The following FTO variants were observed in gnomAD, a reference collection of about 807,000 sequenced individuals.
FTO encodes the protein alpha-ketoglutarate-dependent dioxygenase FTO.
A neutral mutation model predicts 63.9 loss-of-function variants in FTO; 47 were observed. The ratio of observed to expected loss-of-function variants is 0.74; its 90% CI spans 0.58 to 0.94. The LOEUF is 0.94. Ranked by LOEUF, FTO falls within the 40% of genes least tolerant of loss-of-function variation. The probability of loss-of-function intolerance (pLI) is 0.00; values close to 1 mark genes in which losing one functional copy is unlikely to be tolerated. For synonymous variants in FTO, 207 were observed against 224.4 expected (o/e 0.92, Z 0.69); for missense variants, 562 against 618.1 (o/e 0.91, Z 0.96).
intron 8 of FTO, among the ~76,000 whole-genome samples, chr16:54,090,968 C>T (rs1433391890): frequency 6.6e-6 from 1 of 152,194 alleles, no homozygotes; most frequent in East Asian, 1.9e-4. Context: ...ATGCTCCTTA[C>T]ATGGCGGCTC....
intron 8 of FTO, among the ~76,000 whole-genome samples, chr16:54,060,730 G>C (rs2085549603): frequency 6.6e-6 from 1 of 152,168 alleles, no homozygotes; most frequent in Non-Finnish European, 1.5e-5. Flanking sequence ...TGGGACGCTA[G>C]TTTCAGTGTA....
chr16:53,737,785 C>A (rs541902414), intron 1 of FTO, among the ~76,000 whole-genome samples: 1 of 152,116 alleles, frequency 6.6e-6, no homozygotes, highest in Non-Finnish European at 1.5e-5. Context: ...ACTCCTCCCC[C>A]CAGCCTACCC....
At chr16:53,923,714 G>A (rs771343243) in intron 7 of FTO, among the ~76,000 whole-genome samples, 12 of 151,286 alleles carry the variant, frequency 7.9e-5, no homozygotes, top group Non-Finnish European at 1.3e-4. Context: ...AAGTACATGG[G>A]GCTGTTTTTC....
intron 1 of FTO, among the ~76,000 whole-genome samples, chr16:53,769,116 G>T (rs1394574864): frequency 6.6e-6 from 1 of 152,172 alleles, no homozygotes; most frequent in Non-Finnish European, 1.5e-5. Flanking sequence ...GAACTGTCTT[G>T]AGTTAGCTGA....
chr16:53,910,777 C>A (rs1161944249), intron 7 of FTO, among the ~76,000 whole-genome samples: 1 of 152,192 alleles, frequency 6.6e-6, no homozygotes, highest in Non-Finnish European at 1.5e-5. Context: ...CTCAGGGGAT[C>A]CGCCTGCCTC....
chr16:54,114,663 T>C lies in FTO; in HGVS notation c.*2748T>C, dbSNP rs113220915. The C allele has an allele frequency of 0.013, 1,973 of 152,260 alleles. 42 individuals carry two copies. The highest frequency in any genetic ancestry group is 0.043 in the African/African-American group (1,777 of 41,542). The allele number at this position is 152,260 out of a possible 1,614,324, so 9.4% of individuals were successfully genotyped here. A position where few individuals can be genotyped will look rare whatever the true frequency, so the allele number is the denominator to read the frequency against. On this transcript the variant is annotated 3_prime_UTR_variant, in exon 9 of 9. Transcript: ENST00000471389. Reference sequence around the variant, plus strand: ...TAAAGAAATGGTGATCCCAGCACTTTGGGAGGCTGAGGCAGCAGATCACTG... The same window carrying C: ...TAAAGAAATGGTGATCCCAGCACTTCGGGAGGCTGAGGCAGCAGATCACTG...
At chr16:53,879,731 A>G in intron 5 of FTO, 113 bp from the exon 6 acceptor site, 6 of 1,070,648 alleles carry the variant, frequency 5.6e-6, no homozygotes, top group Non-Finnish European at 8.6e-6. Context: ...AGACTGAGCC[A>G]TGGGGCAACA....
intron 1 of FTO, among the ~76,000 whole-genome samples, chr16:53,730,469 A>G (rs2076246791): frequency 6.6e-6 from 1 of 150,808 alleles, no homozygotes; most frequent in African/African-American, 2.4e-5. Context: ...CATTGTCATG[A>G]TTTTTTTTGT....
At chr16:54,027,085 G>A (rs761793009) in intron 8 of FTO, among the ~76,000 whole-genome samples, 2 of 116,750 alleles carry the variant, frequency 1.7e-5, no homozygotes, top group Admixed American at 7.6e-5. Context: ...GAGAGAGACA[G>A]AGAGAGAGAA....
chr16:53,806,201 T>C (rs570328539), intron 1 of FTO, among the ~76,000 whole-genome samples: 1 of 152,336 alleles, frequency 6.6e-6, no homozygotes, highest in Admixed American at 6.5e-5. Context: ...TCATTGTACA[T>C]GGACAAAAGA....
At chr16:53,921,859 T>A (rs970207044) in intron 7 of FTO, among the ~76,000 whole-genome samples, 1 of 151,740 alleles carries the variant, frequency 6.6e-6, no homozygotes, top group Non-Finnish European at 1.5e-5. Flanking sequence ...CTTTTTGTGA[T>A]ATATATATAT....
intron 8 of FTO, among the ~76,000 whole-genome samples, chr16:54,059,280 C>T (rs568456006): frequency 1.3e-5 from 2 of 152,156 alleles, no homozygotes; most frequent in East Asian, 3.9e-4. Context: ...TATGCTATCT[C>T]AATATGAAAA....
chr16:53,909,802 G>C (rs935207443), intron 7 of FTO, among the ~76,000 whole-genome samples: 2 of 152,058 alleles, frequency 1.3e-5, no homozygotes, highest in African/African-American at 4.8e-5. Flanking sequence ...GACCTCAGGT[G>C]ATCCGCCCGC....
At chr16:54,051,230 T>C (rs1259978967) in intron 8 of FTO, among the ~76,000 whole-genome samples, 1 of 152,072 alleles carries the variant, frequency 6.6e-6, no homozygotes, top group Non-Finnish European at 1.5e-5. Flanking sequence ...GAAGAAATCT[T>C]CAAGAGCCTG....
chr16:54,069,109 T>C (rs1293111840), intron 8 of FTO, among the ~76,000 whole-genome samples: 2 of 152,360 alleles, frequency 1.3e-5, no homozygotes, highest in African/African-American at 4.8e-5. Context: ...TTGGGCTTTT[T>C]CTGCACTTTT....
chr16:53,863,900 T>C (rs531775972), intron 4 of FTO, among the ~76,000 whole-genome samples: 7 of 152,322 alleles, frequency 4.6e-5, no homozygotes, highest in African/African-American at 1.7e-4. Flanking sequence ...CTATACTATA[T>C]TCAGCGCAAT....
At chr16:54,028,146 G>A (rs1370515498) in intron 8 of FTO, among the ~76,000 whole-genome samples, 1 of 152,154 alleles carries the variant, frequency 6.6e-6, no homozygotes, top group Non-Finnish European at 1.5e-5. Flanking sequence ...TGAGATGAAT[G>A]TTTTGATAGA....
intron 8 of FTO, chr16:53,992,035 G>A (rs973243174): frequency 7.2e-5 from 11 of 152,092 alleles, no homozygotes; most frequent in African/African-American, 2.7e-4. Flanking sequence ...GGACGACTTT[G>A]AGCGTTAGAA....
chr16:53,904,567 G>C (rs899301456), intron 7 of FTO, among the ~76,000 whole-genome samples: 1 of 152,166 alleles, frequency 6.6e-6, no homozygotes, highest in South Asian at 2.1e-4. Flanking sequence ...ATGTTATTAC[G>C]TGGTGGAACT....
Sources: allele counts gnomAD v4.1 joint callset (sites outside exome capture counted in the v4.1 genomes callset), GRCh38; gene constraint gnomAD v4.1.1; transcripts MANE v1.5; gene names NCBI Gene and HGNC (gene_info 2026-07-23, HGNC 2026-07-21).